The following MAD1L1 variants were observed in gnomAD, a reference collection of about 807,000 sequenced individuals.
The protein encoded by MAD1L1 is mitotic arrest deficient 1 like 1.
MAD1L1 carries 95 observed loss-of-function variants against 96.9 expected under a neutral mutation model. The observed-to-expected ratio is 0.98, with a 90% confidence interval of 0.83 to 1.16. The LOEUF (loss-of-function observed/expected upper bound fraction) is 1.16, where lower values mean the gene tolerates loss of function less well. Among genes scored for constraint, MAD1L1 ranks in the 50% most tolerant of loss-of-function variants. The pLI, the probability that MAD1L1 is intolerant of heterozygous loss-of-function variation, is 0.00. For missense variants in MAD1L1, 1,007 were observed against 954.4 expected, an observed-to-expected ratio of 1.06 and a Z score of -0.73; for synonymous variants, 473 against 396.6, an observed-to-expected ratio of 1.19 and a Z score of -2.29.
intron 17 of MAD1L1, among the ~76,000 whole-genome samples, chr7:1,911,722 C>T (rs569709032): frequency 2.0e-5 from 3 of 151,880 alleles, no homozygotes; most frequent in East Asian, 1.9e-4. Context: ...CAACCGTCTC[C>T]AGTCTGGCGT....
intron 3 of MAD1L1, among the ~76,000 whole-genome samples, chr7:2,227,119 C>T (rs1793942572): frequency 6.6e-6 from 1 of 151,966 alleles, no homozygotes; most frequent in Non-Finnish European, 1.5e-5. Flanking sequence ...CATGGTGAAA[C>T]CCTGTCTCTA....
At chr7:1,959,744 A>G (rs572101420) in intron 15 of MAD1L1, among the ~76,000 whole-genome samples, 1 of 152,324 alleles carries the variant, frequency 6.6e-6, no homozygotes, top group Non-Finnish European at 1.5e-5. Context: ...ATCAGACACG[A>G]AAGCTTAAAG....
chr7:2,070,438 TGA>T (rs1785069991), intron 11 of MAD1L1, among the ~76,000 whole-genome samples: 2 of 151,410 alleles, frequency 1.3e-5, no homozygotes, highest in African/African-American at 4.9e-5. Flanking sequence ...CCAGGAGAGA[TGA>T]GAGGCCGCCC....
chr7:2,073,352 C>T (rs148172702), intron 11 of MAD1L1, among the ~76,000 whole-genome samples: 1 of 152,336 alleles, frequency 6.6e-6, no homozygotes, highest in East Asian at 1.9e-4. Context: ...TGCAGGAGTG[C>T]TGTGGCCTGG....
At chr7:2,053,409 C>A (rs929368239) in intron 12 of MAD1L1, among the ~76,000 whole-genome samples, 3 of 152,238 alleles carry the variant, frequency 2.0e-5, no homozygotes, top group African/African-American at 7.2e-5. Flanking sequence ...ATTCACCAGG[C>A]ATTTACTCAG....
intron 16 of MAD1L1, among the ~76,000 whole-genome samples, chr7:1,944,395 T>C (rs1779135194): frequency 6.6e-6 from 1 of 152,186 alleles, no homozygotes; most frequent in South Asian, 2.1e-4. Flanking sequence ...CTGTTAGAAA[T>C]GGCGGGCCGG....
chr7:2,027,365 AG>A (rs1286992969), intron 12 of MAD1L1, among the ~76,000 whole-genome samples: 1 of 152,236 alleles, frequency 6.6e-6, no homozygotes, highest in African/African-American at 2.4e-5. Flanking sequence ...AGGCCAGAAA[AG>A]CCATAACATC....
intron 11 of MAD1L1, among the ~76,000 whole-genome samples, chr7:2,086,833 G>A (rs908177876): frequency 2.4e-4 from 36 of 152,318 alleles, no homozygotes; most frequent in African/African-American, 8.2e-4. Flanking sequence ...GGGATTACAG[G>A]CATGAGCCAC....
chr7:1,967,448 A>G (rs1222423557), intron 15 of MAD1L1, among the ~76,000 whole-genome samples: 1 of 152,242 alleles, frequency 6.6e-6, no homozygotes, highest in African/African-American at 2.4e-5. Context: ...TCATGTATAC[A>G]GAAACTCAAA....
intron 12 of MAD1L1, among the ~76,000 whole-genome samples, chr7:2,043,489 G>A (rs965384633): frequency 1.3e-5 from 2 of 152,220 alleles, no homozygotes; most frequent in Non-Finnish European, 2.9e-5. Context: ...GGAGGCCCTC[G>A]GCACGACCTG....
intron 17 of MAD1L1, among the ~76,000 whole-genome samples, chr7:1,933,551 C>T (rs1375716045): frequency 7.2e-5 from 11 of 152,228 alleles, no homozygotes; most frequent in African/African-American, 1.9e-4. Context: ...TGAGCATCCG[C>T]GTGGTCTGTA....
intron 18 of MAD1L1, chr7:1,874,570 T>C (rs940077435): frequency 4.4e-6 from 2 of 453,122 alleles, no homozygotes; most frequent in Non-Finnish European, 8.8e-6. Context: ...AAAAGCGCTG[T>C]TGAGTGGCTC....
intron 13 of MAD1L1, among the ~76,000 whole-genome samples, chr7:2,008,772 G>GT (rs1383209769): frequency 4.5e-5 from 2 of 43,976 alleles, no homozygotes; most frequent in Non-Finnish European, 1.2e-4. Context: ...AGGAAGCTCA[G>GT]GGGGGGAAGG....
chr7:2,205,084 C>CTTTTTTTTT (rs56101356), intron 10 of MAD1L1, among the ~76,000 whole-genome samples: 16 of 103,862 alleles, frequency 1.5e-4, no homozygotes, highest in African/African-American at 2.2e-4. Context: ...AGGATCTTTT[C>CTTTTTTTTT]TTTTTTTTTT....
intron 12 of MAD1L1, among the ~76,000 whole-genome samples, chr7:2,041,423 C>G (rs1783667778): frequency 6.6e-6 from 1 of 152,174 alleles, no homozygotes; most frequent in African/African-American, 2.4e-5. Flanking sequence ...CCTGCCAGCT[C>G]GTAGCAGAGT....
chr7:2,118,322 C>T (rs980103451), intron 11 of MAD1L1, among the ~76,000 whole-genome samples: 1 of 129,636 alleles, frequency 7.7e-6, no homozygotes, highest in Non-Finnish European at 1.7e-5. Context: ...ACGTGGTTGG[C>T]GGTCACAGAT....
intron 16 of MAD1L1, among the ~76,000 whole-genome samples, chr7:1,956,309 A>T (rs1334408078): frequency 6.6e-6 from 1 of 152,008 alleles, no homozygotes. Flanking sequence ...GAAGTTTCCA[A>T]CACTCCACAG....
At chr7:2,076,103 C>T (rs1163717259) in intron 11 of MAD1L1, among the ~76,000 whole-genome samples, 3 of 152,366 alleles carry the variant, frequency 2.0e-5, no homozygotes, top group East Asian at 3.9e-4. Context: ...CGGCTGTTCC[C>T]GCCCCAGTCA....
At chr7:2,197,677 G>C (rs1282524885) in intron 10 of MAD1L1, among the ~76,000 whole-genome samples, 2 of 152,202 alleles carry the variant, frequency 1.3e-5, no homozygotes, top group East Asian at 3.8e-4. Flanking sequence ...ACTCGGGCCA[G>C]CTGTCTGCTC....
Sources: allele counts gnomAD v4.1 joint callset (sites outside exome capture counted in the v4.1 genomes callset), GRCh38; gene constraint gnomAD v4.1.1; transcripts MANE v1.5; gene names NCBI Gene and HGNC (gene_info 2026-07-23, HGNC 2026-07-21).